ETV1: variants seen among roughly 807,000 people sequenced by gnomAD.
ETV1 encodes ETS translocation variant 1.
ETV1 carries 27 observed loss-of-function variants against 62.3 expected under a neutral mutation model. That is an observed-to-expected ratio of 0.43 (90% CI 0.32 to 0.60). ETV1 has a LOEUF of 0.60. ETV1 is among the 20% of genes least tolerant of loss of function. The pLI is 0.06. For synonymous variants in ETV1, 222 were observed against 199.6 expected, an observed-to-expected ratio of 1.11 and a Z score of -0.94; for missense variants, 605 against 605.8, an observed-to-expected ratio of 1.00 and a Z score of 0.01.
rs114082538 is a variant in ETV1, at chr7:13,925,463, T to C, written c.802+6039A>G. ...TAGACACAAACCAATAGAAAGTCATTTACGCTTACAACGTGTGAGACTATA... is the reference window on the plus strand; with the variant it reads ...TAGACACAAACCAATAGAAAGTCATCTACGCTTACAACGTGTGAGACTATA... On this transcript the variant is annotated intron_variant, in intron 9 of 13. Transcript: ENST00000430479. Among the ~76,000 whole-genome samples the C allele has an allele frequency of 2.3e-3, 345 of 152,350 alleles. 3 individuals carry two copies. Among genetic ancestry groups the C allele is most frequent in the African/African-American group, 7.8e-3 (324 of 41,588 alleles).
chr7:13,926,234 AG>A (rs1216222097), intron 9 of ETV1, among the ~76,000 whole-genome samples: 3 of 152,194 alleles, frequency 2.0e-5, no homozygotes, highest in Non-Finnish European at 4.4e-5. Flanking sequence ...AATTCCTGAG[AG>A]TGAAATTACC....
chr7:13,924,831 T>C (rs957790299), intron 9 of ETV1, among the ~76,000 whole-genome samples: 3 of 152,192 alleles, frequency 2.0e-5, no homozygotes, highest in Non-Finnish European at 4.4e-5. Context: ...TTGAAGTAGG[T>C]GAACTTCAAG....
intron 5 of ETV1, among the ~76,000 whole-genome samples, chr7:13,981,228 A>G (rs1034612744): frequency 2.0e-5 from 3 of 152,126 alleles, no homozygotes; most frequent in Non-Finnish European, 2.9e-5. Context: ...CGGAAGATGT[A>G]TGAGTCATTC....
Position 13,894,784 on chromosome 7 carries a change from A to G in ETV1, c.*1082T>C, listed in dbSNP as rs986235449. ...GAAGCATTAGCATTATCTAATATTT[A>G]TATATGTTATCAACATAACACAGCA... On this transcript the variant is annotated 3_prime_UTR_variant, in exon 14 of 14. Transcript: ENST00000430479. The G allele has an allele frequency of 8.2e-5, 19 of 232,582 alleles. No homozygotes were observed. Among genetic ancestry groups the G allele is most frequent in the Non-Finnish European group, 1.7e-5 (2 of 117,476 alleles). The allele number at this position is 232,582 out of a possible 1,614,324, so 14.4% of individuals were successfully genotyped here.
intron 6 of ETV1, among the ~76,000 whole-genome samples, chr7:13,967,388 C>A (rs1406095317): frequency 6.6e-6 from 1 of 152,060 alleles, no homozygotes; most frequent in Non-Finnish European, 1.5e-5. Context: ...ACAAAAGATT[C>A]AAAAGATTAC....
At chr7:13,898,018 C>T (rs1782020679) in intron 13 of ETV1, among the ~76,000 whole-genome samples, 1 of 152,162 alleles carries the variant, frequency 6.6e-6, no homozygotes, top group East Asian at 1.9e-4. Flanking sequence ...TGCAATCTCT[C>T]AAGGACTCTG....
At chr7:13,959,488 T>A (rs542348095) in intron 6 of ETV1, among the ~76,000 whole-genome samples, 10 of 152,208 alleles carry the variant, frequency 6.6e-5, no homozygotes, top group Non-Finnish European at 1.0e-4. Flanking sequence ...CCCATATAAA[T>A]AGATACTTAA....
At chr7:13,907,919 T>C in intron 11 of ETV1, 1 of 454,328 alleles carries the variant, frequency 2.2e-6, no homozygotes, top group Non-Finnish European at 4.5e-6. Flanking sequence ...GTTTTGGTCT[T>C]AACATGATAA....
rs546637697 is a variant in ETV1, at chr7:13,951,717, T to C, written c.236-12471A>G. Among the ~76,000 whole-genome samples, 4 of 152,300 alleles carry C rather than the reference T, an allele frequency of 2.6e-5. No homozygotes were observed. In the South Asian group the frequency reaches 8.3e-4, roughly 32 times the overall value. ...TTACTCAGTTTCCCCTTTTGTAATATCAAATATTGTAATATCAAAATTATT... is the reference window on the plus strand; with the variant it reads ...TTACTCAGTTTCCCCTTTTGTAATACCAAATATTGTAATATCAAAATTATT... On this transcript the variant is annotated intron_variant, in intron 6 of 13. Coordinates refer to ENST00000430479, the MANE Select transcript of ETV1 (RefSeq NM_004956.5).
At chr7:13,906,067 C>A in intron 12 of ETV1, 1 of 168,746 alleles carries the variant, frequency 5.9e-6, no homozygotes. Context: ...AACCAGTTGA[C>A]TTTTGCAGAC....
At chr7:13,971,703 A>T (rs1421062441) in intron 6 of ETV1, among the ~76,000 whole-genome samples, 1 of 152,226 alleles carries the variant, frequency 6.6e-6, no homozygotes, top group East Asian at 1.9e-4. Flanking sequence ...GTGAATCACT[A>T]CAGAGAAAAG....
chr7:13,896,712 GGAGA>G (rs949317852), intron 13 of ETV1, among the ~76,000 whole-genome samples: 27 of 114,542 alleles, frequency 2.4e-4, no homozygotes, highest in Non-Finnish European at 4.3e-4. Context: ...AAGAAAGAAA[GGAGA>G]GAGAAAGAAA....
chr7:13,988,068 C>A lies in ETV1; in HGVS notation c.133+18G>T, dbSNP rs769526674. 3 of 1,532,928 alleles carry A rather than the reference C, an allele frequency of 2.0e-6. No individual in the cohort carries two copies. In the East Asian group the frequency reaches 6.8e-5, roughly 35 times the overall value. The allele number at this position is 1,532,928 out of a possible 1,614,324, so 95.0% of individuals were successfully genotyped here. A position where few individuals can be genotyped will look rare whatever the true frequency, so the allele number is the denominator to read the frequency against. On this transcript the variant is annotated intron_variant, in intron 4 of 13. Transcript: ENST00000430479. ...TGTAGGTAAAAAAATGGGGATTCAG[C>A]CCAAAATCAAACCTCACCTTCTGAA... is the stretch of plus-strand genomic sequence containing the variant.
intron 6 of ETV1, among the ~76,000 whole-genome samples, chr7:13,959,598 T>C (rs760363661): frequency 1.3e-5 from 2 of 152,104 alleles, no homozygotes; most frequent in Admixed American, 6.5e-5. Flanking sequence ...AAATGGTTTG[T>C]TCTGGCCGGG....
rs549846442 is a variant in ETV1 at position 13,892,977 on chromosome 7, G to C, written c.*2889C>G. 9 of 232,552 alleles carry C rather than the reference G, an allele frequency of 3.9e-5. No homozygotes were observed. Among genetic ancestry groups the C allele is most frequent in the African/African-American group, 2.0e-4 (9 of 45,402 alleles). The allele number at this position is 232,552 out of a possible 1,614,324, so 14.4% of individuals were successfully genotyped here. A position where few individuals can be genotyped will look rare whatever the true frequency, so the allele number is the denominator to read the frequency against. On this transcript the variant is annotated 3_prime_UTR_variant, in exon 14 of 14. Coordinates refer to ENST00000430479, the MANE Select transcript of ETV1 (RefSeq NM_004956.5). Reference sequence around the variant, plus strand: ...TGTGGTAATTGGTTACAGCATCTACGGGAAACTAGACCTCCAAGATCCGCC... The same window carrying C: ...TGTGGTAATTGGTTACAGCATCTACCGGAAACTAGACCTCCAAGATCCGCC...
chr7:13,974,310 G>C (rs980376731), intron 6 of ETV1, among the ~76,000 whole-genome samples: 1 of 152,176 alleles, frequency 6.6e-6, no homozygotes, highest in Non-Finnish European at 1.5e-5. Context: ...AATTAGAAGG[G>C]CTAAAGTACA....
At chr7:13,966,540 CTGAGCCCAGGAGATTGAGGTCACT>C (rs1029120892) in intron 6 of ETV1, among the ~76,000 whole-genome samples, 2 of 151,998 alleles carry the variant, frequency 1.3e-5, no homozygotes, top group Non-Finnish European at 2.9e-5. Flanking sequence ...GGAGAGTCAT[CTGAGCCCAGGAGATTGAGGTCACT>C]TGAGCCCAGG....
chr7:13,988,277 T>G, intron 3 of ETV1, 104 bp from the exon 4 acceptor site: 1 of 705,704 alleles, frequency 1.4e-6, no homozygotes, highest in Non-Finnish European at 2.5e-6. Context: ...TACATAAGTC[T>G]AATGGATCTT....
At chr7:13,977,586 A>C (rs1170583857) in intron 5 of ETV1, 106 bp from the exon 6 acceptor site, 1 of 749,586 alleles carries the variant, frequency 1.3e-6, no homozygotes, top group African/African-American at 1.8e-5. Flanking sequence ...GCTGAGATCA[A>C]ACCTATGATT....
Sources: allele counts gnomAD v4.1 joint callset (sites outside exome capture counted in the v4.1 genomes callset), GRCh38; gene constraint gnomAD v4.1.1; transcripts MANE v1.5; gene names NCBI Gene and HGNC (gene_info 2026-07-23, HGNC 2026-07-21).